ADAMTS12: variants seen among roughly 807,000 people sequenced by gnomAD.
ADAMTS12 encodes the protein ADAM metallopeptidase with thrombospondin type 1 motif 12.
In ADAMTS12, 118 loss-of-function variants were observed where a neutral mutation model predicts 167.8. The observed-to-expected ratio is 0.70, with a 90% CI of 0.61 to 0.82. ADAMTS12 has a LOEUF of 0.82. Ranked by LOEUF, ADAMTS12 falls within the 40% of genes least tolerant of loss-of-function variation. The pLI is 0.00. For synonymous variants in ADAMTS12, 704 were observed against 716.9 expected (o/e 0.98, Z 0.29); for missense variants, 1,916 against 1,998.8 (o/e 0.96, Z 0.79).
intron 3 of ADAMTS12, among the ~76,000 whole-genome samples, chr5:33,698,476 A>G (rs1310685287): frequency 2.0e-5 from 3 of 152,224 alleles, no homozygotes; most frequent in Non-Finnish European, 4.4e-5. Flanking sequence ...AGCTGAAAAA[A>G]TGTCAAGGGG....
At chr5:33,862,266 A>G (rs1169665739) in intron 2 of ADAMTS12, among the ~76,000 whole-genome samples, 1 of 152,196 alleles carries the variant, frequency 6.6e-6, no homozygotes, top group Non-Finnish European at 1.5e-5. Context: ...GATTAACAAA[A>G]TAGATAGACC....
chr5:33,823,574 C>T (rs1286385311), intron 2 of ADAMTS12, among the ~76,000 whole-genome samples: 1 of 151,626 alleles, frequency 6.6e-6, no homozygotes, highest in Non-Finnish European at 1.5e-5. Context: ...ACGGGACTCA[C>T]CCTGTAGGGA....
chr5:33,879,179 C>A (rs927354272), intron 2 of ADAMTS12, among the ~76,000 whole-genome samples: 5 of 152,082 alleles, frequency 3.3e-5, no homozygotes, highest in African/African-American at 1.2e-4. Context: ...TGAATTATAT[C>A]TCAGTAAAGC....
At chr5:33,891,609 C>T (rs541901551) in intron 1 of ADAMTS12, 121 bp downstream of exon 1, 1 of 1,465,758 alleles carries the variant, frequency 6.8e-7, no homozygotes, top group Admixed American at 2.1e-5. Flanking sequence ...TTCCTTACAA[C>T]GCAGCCAAAT....
chr5:33,728,195 G>A (rs1744055104), intron 3 of ADAMTS12, among the ~76,000 whole-genome samples: 2 of 152,248 alleles, frequency 1.3e-5, no homozygotes, highest in African/African-American at 4.8e-5. Flanking sequence ...TTTCTGTGCT[G>A]CTGGATTCTC....
intron 2 of ADAMTS12, among the ~76,000 whole-genome samples, chr5:33,795,350 C>T (rs976844386): frequency 6.6e-6 from 1 of 152,090 alleles, no homozygotes; most frequent in South Asian, 2.1e-4. Context: ...GGAACAACAA[C>T]AAAAAAGTGT....
chr5:33,718,331 G>C (rs1184917553), intron 3 of ADAMTS12, among the ~76,000 whole-genome samples: 2 of 152,168 alleles, frequency 1.3e-5, no homozygotes, highest in African/African-American at 2.4e-5. Context: ...GACCAGAATG[G>C]TCCATGGTCT....
intron 3 of ADAMTS12, among the ~76,000 whole-genome samples, chr5:33,745,630 G>A (rs552779239): frequency 1.3e-5 from 2 of 152,064 alleles, no homozygotes; most frequent in South Asian, 2.1e-4. Flanking sequence ...TCCTTATTGG[G>A]GCATGGAAAC....
At chr5:33,829,151 C>T (rs966094709) in intron 2 of ADAMTS12, among the ~76,000 whole-genome samples, 1 of 152,110 alleles carries the variant, frequency 6.6e-6, no homozygotes, top group Non-Finnish European at 1.5e-5. Context: ...CGTCAGGCTA[C>T]TTGCATGCCA....
intron 2 of ADAMTS12, among the ~76,000 whole-genome samples, chr5:33,870,696 T>C (rs1750005551): frequency 6.6e-6 from 1 of 152,170 alleles, no homozygotes; most frequent in Non-Finnish European, 1.5e-5. Flanking sequence ...CCAGTGTTGG[T>C]GGAGGGGACT....
intron 3 of ADAMTS12, among the ~76,000 whole-genome samples, chr5:33,727,221 CGAG>C (rs1579879397): frequency 1.4e-5 from 2 of 144,980 alleles, no homozygotes; most frequent in East Asian, 4.1e-4. Context: ...GTGTCTGGGT[CGAG>C]GTCAAGCCTC....
intron 20 of ADAMTS12, among the ~76,000 whole-genome samples, chr5:33,554,967 A>C (rs778315363): frequency 5.3e-5 from 8 of 151,586 alleles, no homozygotes; most frequent in Non-Finnish European, 1.0e-4. Flanking sequence ...AGATTATTAC[A>C]AAAAAAAAGT....
intron 19 of ADAMTS12, among the ~76,000 whole-genome samples, chr5:33,574,525 C>T (rs1278904101): frequency 6.8e-5 from 10 of 146,666 alleles, no homozygotes; most frequent in Admixed American, 4.3e-4. Context: ...CATGTTCTCA[C>T]TCATAGATGG....
intron 15 of ADAMTS12, among the ~76,000 whole-genome samples, chr5:33,615,379 A>C (rs1318207367): frequency 5.9e-5 from 9 of 152,194 alleles, no homozygotes; most frequent in Non-Finnish European, 1.2e-4. Context: ...CCCAATATGA[A>C]AGATAAATTT....
chr5:33,585,314 A>G (rs575976631), intron 18 of ADAMTS12, among the ~76,000 whole-genome samples: 56 of 152,318 alleles, frequency 3.7e-4, no homozygotes, highest in African/African-American at 1.3e-3. Flanking sequence ...TTAAACTGAA[A>G]GCTTCATCAA....
At chr5:33,702,191 T>G (rs1228262191) in intron 3 of ADAMTS12, among the ~76,000 whole-genome samples, 1 of 152,176 alleles carries the variant, frequency 6.6e-6, no homozygotes. Flanking sequence ...TCCTAGACAC[T>G]TTTACAAAAG....
In ADAMTS12 at chr5:33,838,566, C is replaced by T. The variant is rs181439974; in HGVS notation, c.489+42553G>A. ...GGTGTGATGGTGCATGCCTGTAGTC[C>T]CAGCTATGTGGAGGCTGAGGTAGGA... On this transcript the variant is annotated intron_variant, in intron 2 of 23. Coordinates refer to ENST00000504830, the MANE Select transcript of ADAMTS12 (RefSeq NM_030955.4). Among the ~76,000 whole-genome samples, 34 of 152,120 alleles carry T rather than the reference C, an allele frequency of 2.2e-4. No individual in the cohort carries two copies. The East Asian group carries it at 6.4e-3, about 29-fold the overall frequency.
At chr5:33,542,086 G>C (rs962676403) in intron 22 of ADAMTS12, among the ~76,000 whole-genome samples, 7 of 151,862 alleles carry the variant, frequency 4.6e-5, no homozygotes, top group African/African-American at 1.5e-4. Context: ...GTATATTCAG[G>C]AGACCCATCT....
At chr5:33,743,718 ACCATCCAT>A (rs570960759) in intron 3 of ADAMTS12, among the ~76,000 whole-genome samples, 1 of 151,862 alleles carries the variant, frequency 6.6e-6, no homozygotes, top group Non-Finnish European at 1.5e-5. Context: ...CATCCATCCA[ACCATCCAT>A]CCATCCATCC....
Sources: gnomAD v4.1 joint callset for allele counts (sites outside exome capture counted in the v4.1 genomes callset) on GRCh38, gnomAD v4.1.1 for gene constraint, MANE v1.5 for transcripts, NCBI Gene and HGNC (gene_info 2026-07-23, HGNC 2026-07-21) for gene names.